Variants in ZNF521 observed in about 807,000 individuals in gnomAD.
ZNF521 encodes the protein LYST-interacting protein 3.
Under a neutral mutation model 105.5 loss-of-function variants are expected in ZNF521, and 14 were observed. That is an observed-to-expected ratio of 0.13 (90% confidence interval 0.09 to 0.21). The LOEUF (loss-of-function observed/expected upper bound fraction) is 0.21. ZNF521 is among the 10% of genes least tolerant of loss of function. The pLI, the probability that ZNF521 is intolerant of heterozygous loss-of-function variation, is 1.00. For synonymous variants in ZNF521, 635 were observed against 606.0 expected (o/e 1.05, Z -0.70); for missense variants, 1,233 against 1,629.7 (o/e 0.76, Z 4.19).
At chr18:25,127,317 C>T (rs1343760627) in intron 5 of ZNF521, among the ~76,000 whole-genome samples, 3 of 151,800 alleles carry the variant, frequency 2.0e-5, no homozygotes, top group East Asian at 1.9e-4. Flanking sequence ...TAAAGAGGAC[C>T]GACATAGAGA....
rs1445325611 is a variant in ZNF521, at chr18:25,212,236, G to A, written c.3573+12109C>T. Among the ~76,000 whole-genome samples, 14 of 151,852 alleles carry A rather than the reference G, an allele frequency of 9.2e-5. No homozygotes were observed. In the South Asian group the frequency reaches 2.1e-3, roughly 23 times the overall value. On this transcript the variant is annotated intron_variant, in intron 4 of 7. Transcript: ENST00000361524. ...ATATAAAAAATATTTTAATGGCCGGGCATGGTGGCTCACGCCTGTAATCCT... is the reference window on the plus strand; with the variant it reads ...ATATAAAAAATATTTTAATGGCCGGACATGGTGGCTCACGCCTGTAATCCT...
intron 5 of ZNF521, among the ~76,000 whole-genome samples, chr18:25,182,982 C>T (rs2035658442): frequency 6.6e-6 from 1 of 152,028 alleles, no homozygotes; most frequent in South Asian, 2.1e-4. Context: ...GCCTAAGGCT[C>T]CTAGATACCA....
chr18:25,299,900 C>T (rs975431012), intron 3 of ZNF521, among the ~76,000 whole-genome samples: 2 of 152,212 alleles, frequency 1.3e-5, no homozygotes, highest in Non-Finnish European at 2.9e-5. Flanking sequence ...ACAACGATAA[C>T]TGCCATCCCA....
At chr18:25,100,853 C>A (rs2033952886) in intron 5 of ZNF521, among the ~76,000 whole-genome samples, 1 of 152,254 alleles carries the variant, frequency 6.6e-6, no homozygotes, top group South Asian at 2.1e-4. Flanking sequence ...GCTCCATAAC[C>A]TTTAAATTGC....
intron 3 of ZNF521, among the ~76,000 whole-genome samples, chr18:25,228,982 G>T (rs1199664828): frequency 1.3e-5 from 2 of 152,176 alleles, no homozygotes; most frequent in Non-Finnish European, 2.9e-5. Flanking sequence ...ATGGAGTGGA[G>T]CTGGTGGGGA....
chr18:25,215,455 C>T (rs1422929184), intron 4 of ZNF521, among the ~76,000 whole-genome samples: 1 of 152,134 alleles, frequency 6.6e-6, no homozygotes, highest in Non-Finnish European at 1.5e-5. Context: ...CATTTAAAAT[C>T]ATCCTGACTA....
intron 5 of ZNF521, among the ~76,000 whole-genome samples, chr18:25,185,887 G>A (rs886831735): frequency 6.6e-6 from 1 of 152,124 alleles, no homozygotes; most frequent in Non-Finnish European, 1.5e-5. Context: ...CTTTGAGAGT[G>A]TAACAACTTG....
At chr18:25,348,772 C>T (rs1914572668) in intron 2 of ZNF521, among the ~76,000 whole-genome samples, 3 of 152,168 alleles carry the variant, frequency 2.0e-5, no homozygotes, top group South Asian at 2.1e-4. Context: ...GTCCTCTTTA[C>T]TCATTCTTCA....
At chr18:25,254,961 A>T (rs1389209020) in intron 3 of ZNF521, among the ~76,000 whole-genome samples, 2 of 152,168 alleles carry the variant, frequency 1.3e-5, no homozygotes, top group African/African-American at 4.8e-5. Context: ...CCAGAAGTAC[A>T]AATTTGCTAC....
At chr18:25,120,812 T>C (rs1298497561) in intron 5 of ZNF521, among the ~76,000 whole-genome samples, 3 of 152,174 alleles carry the variant, frequency 2.0e-5, no homozygotes, top group African/African-American at 4.8e-5. Context: ...TGTGAACAAA[T>C]ACCTTGGCTC....
In ZNF521 at chr18:25,225,432, C is replaced by T. The variant is rs765976872; in HGVS notation, c.2486G>A (p.Arg829Gln). Reference protein sequence around the residue: ...HAIILLEKHLREKHCVFETKT... With the variant: ...HAIILLEKHLQEKHCVFETKT... ...GGTTTCGAATACACAGTGTTTTTCT[C>T]GCAAGTGTTTTTCTAACAAAATGAT... Residue 829 changes from arginine to glutamine, a missense_variant, in exon 4 of 8, where the codon CGA (arginine) becomes CAA (glutamine). Arg to Gln is a conservative substitution (Grantham distance 43). Coordinates refer to ENST00000361524, the MANE Select transcript of ZNF521 (RefSeq NM_015461.3). This position sits in a 1 kb window ranked among gnomAD's most constrained non-coding sequence, Gnocchi z 5.6. 5.0e-6 allele frequency: 8 copies of T among 1,614,052 alleles called. No homozygotes were observed. Among genetic ancestry groups the T allele is most frequent in the East Asian group, 2.2e-5 (1 of 44,890 alleles).
intron 5 of ZNF521, among the ~76,000 whole-genome samples, chr18:25,097,939 G>A (rs1468976310): frequency 2.0e-5 from 3 of 152,052 alleles, no homozygotes; most frequent in African/African-American, 7.2e-5. Flanking sequence ...GATTCAACTG[G>A]GGTAGGCTGC....
At chr18:25,069,974 C>A (rs1481933074) in intron 7 of ZNF521, among the ~76,000 whole-genome samples, 2 of 152,148 alleles carry the variant, frequency 1.3e-5, no homozygotes, top group African/African-American at 4.8e-5. Context: ...CATGAACTTA[C>A]AGAAACACTG....
chr18:25,228,194 T>C (rs1183961734), intron 3 of ZNF521, among the ~76,000 whole-genome samples: 1 of 152,208 alleles, frequency 6.6e-6, no homozygotes, highest in Non-Finnish European at 1.5e-5. Context: ...CTTGTTTTTA[T>C]ATAAAAAGGC....
chr18:25,173,590 T>C (rs576424049), intron 5 of ZNF521, among the ~76,000 whole-genome samples: 9 of 152,370 alleles, frequency 5.9e-5, no homozygotes, highest in African/African-American at 2.2e-4. Flanking sequence ...TGGATGTTTT[T>C]ATGAATATCA....
chr18:25,303,835 A>C (rs1911805826), intron 3 of ZNF521, among the ~76,000 whole-genome samples: 1 of 152,188 alleles, frequency 6.6e-6, no homozygotes, highest in East Asian at 1.9e-4. Context: ...TGGTTAACTA[A>C]AAAAATAATC....
In ZNF521 at chr18:25,247,054, T is replaced by C. The variant is rs1453005467; in HGVS notation, c.221-19357A>G. ...AGCTACCACCCCAGTCCTGCTCTTC[T>C]GATGCAGTCATCAATTCCATAATGA... On this transcript the variant is annotated intron_variant, in intron 3 of 7. Coordinates refer to ENST00000361524, the MANE Select transcript of ZNF521 (RefSeq NM_015461.3). Among the ~76,000 whole-genome samples the C allele has an allele frequency of 3.9e-5, 6 of 152,212 alleles. No homozygotes were observed. In the East Asian group the frequency reaches 1.2e-3, roughly 29 times the overall value.
intron 5 of ZNF521, among the ~76,000 whole-genome samples, chr18:25,174,983 C>T (rs767224234): frequency 7.9e-5 from 12 of 152,136 alleles, no homozygotes; most frequent in East Asian, 1.9e-4. Flanking sequence ...CAAGGTCCAG[C>T]GGTAAAAGCG....
At chr18:25,139,372 CAAAAAAAAAAAAAAAAAAA>C (rs36175281) in intron 5 of ZNF521, among the ~76,000 whole-genome samples, 1 of 51,372 alleles carries the variant, frequency 1.9e-5, no homozygotes, top group African/African-American at 7.5e-5. Context: ...GACTCTGTCT[CAAAAAAAAAAAAAAAAAAA>C]AAAAAAAAAA....
Sources: gnomAD v4.1 joint callset for allele counts (sites outside exome capture counted in the v4.1 genomes callset) on GRCh38, gnomAD v4.1.1 for gene constraint, Gnocchi (gnomAD v3.1) non-coding constraint, MANE v1.5 for transcripts, NCBI Gene and HGNC (gene_info 2026-07-23, HGNC 2026-07-21) for gene names.